The following CHN2 variants were observed in gnomAD, a reference collection of about 807,000 sequenced individuals.
CHN2 encodes chimerin 2.
In CHN2, 35 loss-of-function variants were observed where a neutral mutation model predicts 56.3. The ratio of observed to expected loss-of-function variants is 0.62; its 90% CI spans 0.47 to 0.82. The LOEUF (loss-of-function observed/expected upper bound fraction) is 0.82. Among genes scored for constraint, CHN2 ranks in the 40% least tolerant of loss-of-function variants. CHN2 has a pLI of 0.00. For missense variants in CHN2, 491 were observed against 580.5 expected (o/e 0.85, Z 1.58); for synonymous variants, 210 against 212.8 (o/e 0.99, Z 0.12).
intron 2 of CHN2, among the ~76,000 whole-genome samples, chr7:29,363,702 G>C (rs1798914571): frequency 6.6e-6 from 1 of 152,170 alleles, no homozygotes; most frequent in Admixed American, 6.5e-5. Context: ...AACTATATAA[G>C]AGAACAGAGG....
intron 1 of CHN2, among the ~76,000 whole-genome samples, chr7:29,308,705 G>T (rs1794356440): frequency 6.6e-6 from 1 of 152,206 alleles, no homozygotes; most frequent in Non-Finnish European, 1.5e-5. Context: ...GGCTGGGCAT[G>T]TAGTCTTCCT....
chr7:29,448,563 C>T (rs1047003284), intron 6 of CHN2, among the ~76,000 whole-genome samples: 4 of 152,124 alleles, frequency 2.6e-5, no homozygotes, highest in African/African-American at 9.7e-5. Context: ...TGTAAGATCC[C>T]GCCTCATAGA....
intron 1 of CHN2, among the ~76,000 whole-genome samples, chr7:29,203,671 C>G (rs952808777): frequency 6.6e-6 from 1 of 152,152 alleles, no homozygotes; most frequent in Admixed American, 6.5e-5. Context: ...ATCGCAGAAT[C>G]TGCCATACAA....
chr7:29,256,434 G>C (rs574691394), intron 1 of CHN2, among the ~76,000 whole-genome samples: 15 of 152,196 alleles, frequency 9.9e-5, no homozygotes, highest in Non-Finnish European at 1.6e-4. Context: ...AGAGCAACGG[G>C]CATTTTTTGT....
At chr7:29,371,177 C>T (rs780153428) in intron 3 of CHN2, among the ~76,000 whole-genome samples, 43 of 152,030 alleles carry the variant, frequency 2.8e-4, no homozygotes, top group Non-Finnish European at 1.8e-4. Flanking sequence ...AGGACAGAGT[C>T]GAAGTGATGA....
chr7:29,444,846 A>T lies in CHN2; in HGVS notation c.577-35433A>T, dbSNP rs541453262. On this transcript the variant is annotated intron_variant, in intron 6 of 12. Coordinates refer to ENST00000222792, the MANE Select transcript of CHN2 (RefSeq NM_004067.4). ...CTCAACCTTGAACCAAATAGGATAT[A>T]TGGTACCAGATCTGCCTCATACATT... 4.6e-5 allele frequency among the ~76,000 whole-genome samples: 7 copies of T among 152,340 alleles called. No homozygotes were observed. The South Asian group carries it at 1.5e-3, about 32-fold the overall frequency.
At chr7:29,251,561 A>G (rs1311163592) in intron 1 of CHN2, among the ~76,000 whole-genome samples, 1 of 152,264 alleles carries the variant, frequency 6.6e-6, no homozygotes, top group African/African-American at 2.4e-5. Context: ...CAAGCACCGA[A>G]CATGGTGAGT....
chr7:29,146,770 T>C (rs944274947), intron 1 of CHN2: 14 of 1,549,336 alleles, frequency 9.0e-6, no homozygotes, highest in Non-Finnish European at 1.1e-5. Context: ...TTGTTTTATT[T>C]TGATTTTGTC....
intron 1 of CHN2, among the ~76,000 whole-genome samples, chr7:29,284,840 C>T (rs1792021648): frequency 6.6e-6 from 1 of 152,178 alleles, no homozygotes; most frequent in Admixed American, 6.5e-5. Flanking sequence ...CAGATGAATG[C>T]ACAAGGATCT....
At chr7:29,193,634 G>A (rs867073510), upstream of CHN2, 2 of 152,128 alleles carry the variant, frequency 1.3e-5, no homozygotes, top group African/African-American at 2.4e-5. Context: ...AATCTGCATG[G>A]TATTTCCTCC....
chr7:29,253,902 A>G (rs1788844210), intron 1 of CHN2, among the ~76,000 whole-genome samples: 1 of 152,022 alleles, frequency 6.6e-6, no homozygotes, highest in African/African-American at 2.4e-5. Flanking sequence ...AAATAAATGT[A>G]GCTATTTTTT....
intron 1 of CHN2, among the ~76,000 whole-genome samples, chr7:29,327,600 T>C (rs1437294383): frequency 6.6e-6 from 1 of 152,186 alleles, no homozygotes; most frequent in African/African-American, 2.4e-5. Context: ...GTCTGTAACT[T>C]GAGGCCCATC....
intron 2 of CHN2, among the ~76,000 whole-genome samples, chr7:29,167,379 CA>C (rs1796051283): frequency 6.6e-6 from 1 of 152,046 alleles, no homozygotes; most frequent in African/African-American, 2.4e-5. Context: ...AATGAATATT[CA>C]AAAAATTATC....
At chr7:29,313,948 T>C (rs939410321) in intron 1 of CHN2, among the ~76,000 whole-genome samples, 3 of 152,208 alleles carry the variant, frequency 2.0e-5, no homozygotes, top group Admixed American at 2.0e-4. Context: ...GCCCAGTGTA[T>C]TCCTGGTGGC....
intron 2 of CHN2, among the ~76,000 whole-genome samples, chr7:29,163,229 T>C (rs1182578336): frequency 1.3e-5 from 2 of 152,150 alleles, no homozygotes; most frequent in African/African-American, 4.8e-5. Flanking sequence ...TGTTATTAAA[T>C]CTAAGACGTG....
rs142928446 is a variant in CHN2 at position 29,432,729 on chromosome 7, G to T, written c.576+31901G>T. Among the ~76,000 whole-genome samples the T allele has an allele frequency of 6.6e-5, 10 of 152,266 alleles. No individual in the cohort carries two copies. In the East Asian group the frequency reaches 1.2e-3, roughly 18 times the overall value. On this transcript the variant is annotated intron_variant, in intron 6 of 12. Coordinates refer to ENST00000222792, the MANE Select transcript of CHN2 (RefSeq NM_004067.4). ...TAAAATCATTTTATAATGATCCCTG[G>T]ATTATTTTGGACTAGCTATGCGTCA...
At chr7:29,346,910 A>T (rs567579922) in intron 1 of CHN2, among the ~76,000 whole-genome samples, 1 of 152,254 alleles carries the variant, frequency 6.6e-6, no homozygotes, top group Non-Finnish European at 1.5e-5. Context: ...AAATCAACAT[A>T]TTTCTGGAGC....
rs1359554073 is a variant in CHN2 at position 29,512,547 on chromosome 7, A to AT, written c.1236-16dup. 4 of 1,604,994 alleles carry AT rather than the reference A, an allele frequency of 2.5e-6. No homozygotes were observed. The highest frequency in any genetic ancestry group is 2.6e-6 in the Non-Finnish European group (3 of 1,174,918). The stretch of plus-strand genomic sequence containing the variant: ...CAAGTCTCCATAATGTCTCTGTTCT[A>AT]TATGTTTGTTTTGCAGGGTTACTAT... On this transcript the variant is annotated splice_polypyrimidine_tract_variant and intron_variant, in intron 12 of 12. Transcript: ENST00000222792.
chr7:29,389,640 G>C (rs1801203200), intron 3 of CHN2, among the ~76,000 whole-genome samples: 1 of 152,154 alleles, frequency 6.6e-6, no homozygotes, highest in African/African-American at 2.4e-5. Flanking sequence ...TTCCAAAACA[G>C]AAATTCCAAA....
Sources: gnomAD v4.1 joint callset for allele counts (sites outside exome capture counted in the v4.1 genomes callset) on GRCh38, gnomAD v4.1.1 for gene constraint, MANE v1.5 for transcripts, NCBI Gene and HGNC (gene_info 2026-07-23, HGNC 2026-07-21) for gene names.